Variants in MNAT1 observed in about 807,000 individuals in gnomAD.
MNAT1 encodes MNAT1 component of CDK activating kinase, also known as CDK-activating kinase assembly factor MAT1.
In MNAT1, 43 loss-of-function variants were observed where a neutral mutation model predicts 42.0. The ratio of observed to expected loss-of-function variants is 1.02; its 90% CI spans 0.80 to 1.32. MNAT1 has a LOEUF of 1.32. MNAT1 is among the 40% of genes most tolerant of loss of function. The pLI is 0.00. For synonymous variants in MNAT1, 118 were observed against 120.0 expected (o/e 0.98, Z 0.11); for missense variants, 306 against 350.4 (o/e 0.87, Z 1.01).
At chr14:60,905,502 G>C (rs1027761451) in intron 7 of MNAT1, among the ~76,000 whole-genome samples, 7 of 152,178 alleles carry the variant, frequency 4.6e-5, no homozygotes, top group Non-Finnish European at 8.8e-5. Context: ...TAGAGGCTGA[G>C]AAGTCCCATG....
At chr14:60,752,591 G>A (rs368851943) in intron 1 of MNAT1, among the ~76,000 whole-genome samples, 1 of 152,094 alleles carries the variant, frequency 6.6e-6, no homozygotes. Context: ...CTTGAGCCCA[G>A]GGGGTCAAGG....
intron 7 of MNAT1, among the ~76,000 whole-genome samples, chr14:60,906,272 G>A (rs1263018366): frequency 1.3e-5 from 2 of 152,192 alleles, no homozygotes; most frequent in African/African-American, 4.8e-5. Flanking sequence ...CCTAGTTGAT[G>A]ATACAGGTCT....
At chr14:60,946,963 CAT>C (rs2036289177) in intron 7 of MNAT1, among the ~76,000 whole-genome samples, 1 of 152,192 alleles carries the variant, frequency 6.6e-6, no homozygotes, top group African/African-American at 2.4e-5. Flanking sequence ...TCTGTGTCCT[CAT>C]GTGGCAGAGA....
chr14:60,796,167 G>A (rs1012841785), intron 1 of MNAT1, 50 bp from the exon 2 acceptor site: 7 of 1,548,812 alleles, frequency 4.5e-6, no homozygotes, highest in Admixed American at 3.6e-5. Context: ...CAGATGTGTT[G>A]TAGATTTGAA....
In MNAT1 at chr14:60,818,793, A is replaced by G. The variant is rs527306461; in HGVS notation, c.633A>G (p.Gln211=). The G allele has an allele frequency of 7.4e-6, 12 of 1,612,926 alleles. No homozygotes were observed. The highest frequency in any genetic ancestry group is 1.7e-5 in the Admixed American group (1 of 60,002). The change falls in exon 6 of 8, where the codon CAA becomes CAG. Residue 211 remains glutamine (Q), a synonymous_variant. Coordinates refer to ENST00000261245, the MANE Select transcript of MNAT1 (RefSeq NM_002431.4). Reference sequence around the variant, plus strand: ...ATAGATCTACCCAATTAGAAATGCAACTTGAGAAACCCAAACCTGTAAAAC... The same window carrying G: ...ATAGATCTACCCAATTAGAAATGCAGCTTGAGAAACCCAAACCTGTAAAAC... The part of the protein sequence containing the change: ...HKDRSTQLEM[Q]LEKPKPVKPV...
intron 1 of MNAT1, chr14:60,753,701 T>C (rs1457228741): frequency 6.6e-6 from 1 of 152,202 alleles, no homozygotes; most frequent in Non-Finnish European, 1.5e-5. Context: ...CCCCTTTTGA[T>C]GAAAGAAGTA....
In MNAT1 at chr14:60,734,918, T is replaced by A; in HGVS notation, c.56T>A (p.Leu19Ter). The change falls in exon 1 of 8, where the codon TTG becomes TAG. Residue 19 changes from leucine (L) to a stop codon, truncating the protein, a stop_gained. Transcript: ENST00000261245. LOFTEE classifies it high-confidence loss of function. This position sits in a 1 kb window ranked among gnomAD's most constrained non-coding sequence, Gnocchi z 4.3. ...ACCACCAAATATCGGAACCCCTCCT[T>A]GAAGCTGATGGTGAATGTGTGCGGA... ...CKTTKYRNPSLKLMVNVCGHT... is the reference protein window; with the variant it reads ...CKTTKYRNPS 6.2e-7 allele frequency: 1 copy of A among 1,614,040 alleles called. No individual in the cohort carries two copies. Among genetic ancestry groups the A allele is most frequent in the Non-Finnish European group, 8.5e-7 (1 of 1,179,984 alleles).
intron 6 of MNAT1, among the ~76,000 whole-genome samples, chr14:60,877,152 G>A (rs2034452332): frequency 6.6e-6 from 1 of 152,026 alleles, no homozygotes; most frequent in African/African-American, 2.4e-5. Flanking sequence ...TGGGTGTGAA[G>A]TGGTATCTCA....
intron 6 of MNAT1, among the ~76,000 whole-genome samples, chr14:60,845,728 T>G (rs2033666073): frequency 6.6e-6 from 1 of 152,160 alleles, no homozygotes; most frequent in Admixed American, 6.5e-5. Flanking sequence ...CTACTTTCTG[T>G]TTCTGTATAG....
At chr14:60,890,117 C>G (rs1034890063) in intron 7 of MNAT1, among the ~76,000 whole-genome samples, 3 of 152,090 alleles carry the variant, frequency 2.0e-5, no homozygotes, top group African/African-American at 7.2e-5. Context: ...ACCCAAAGGA[C>G]TATAAATCAT....
At chr14:60,912,776 A>G (rs1050833228) in intron 7 of MNAT1, among the ~76,000 whole-genome samples, 16 of 151,862 alleles carry the variant, frequency 1.1e-4, no homozygotes, top group African/African-American at 3.4e-4. Flanking sequence ...CTTCATTTCA[A>G]CTTTGGTGAA....
At chr14:60,869,784 AT>A (rs2034289925) in intron 6 of MNAT1, among the ~76,000 whole-genome samples, 1 of 152,076 alleles carries the variant, frequency 6.6e-6, no homozygotes, top group Non-Finnish European at 1.5e-5. Flanking sequence ...CTAATTGATT[AT>A]TTTTATTGCC....
intron 7 of MNAT1, among the ~76,000 whole-genome samples, chr14:60,958,291 C>T (rs932249147): frequency 6.6e-6 from 1 of 152,150 alleles, no homozygotes; most frequent in South Asian, 2.1e-4. Context: ...AGCTTTGCTG[C>T]ATAAAGTATT....
At chr14:60,743,797 TCTC>T (rs1244331433) in intron 1 of MNAT1, among the ~76,000 whole-genome samples, 2 of 152,236 alleles carry the variant, frequency 1.3e-5, no homozygotes. Flanking sequence ...CATATCTCTT[TCTC>T]CCTGTTCTTT....
chr14:60,840,371 A>C (rs867969591), intron 6 of MNAT1, among the ~76,000 whole-genome samples: 2 of 152,210 alleles, frequency 1.3e-5, no homozygotes, highest in South Asian at 4.1e-4. Flanking sequence ...CTCATACTAC[A>C]GTGTATTTCT....
intron 1 of MNAT1, among the ~76,000 whole-genome samples, chr14:60,774,398 T>G (rs1289935030): frequency 6.6e-6 from 1 of 151,584 alleles, no homozygotes; most frequent in Admixed American, 6.6e-5. Context: ...AGCTGAAGAG[T>G]TAGGTAGGGG....
At chr14:60,763,323 A>G (rs374490321) in intron 1 of MNAT1, among the ~76,000 whole-genome samples, 14 of 152,324 alleles carry the variant, frequency 9.2e-5, no homozygotes, top group Admixed American at 5.2e-4. Flanking sequence ...ATCATTTTAA[A>G]TGAATAATTA....
intron 1 of MNAT1, among the ~76,000 whole-genome samples, chr14:60,757,174 A>C (rs2030393488): frequency 6.6e-6 from 1 of 152,182 alleles, no homozygotes; most frequent in Admixed American, 6.5e-5. Context: ...TTTAAAACTA[A>C]CGGTGTATGG....
At chr14:60,769,318 G>A (rs796796343) in intron 1 of MNAT1, among the ~76,000 whole-genome samples, 2 of 138,492 alleles carry the variant, frequency 1.4e-5, no homozygotes, top group African/African-American at 5.0e-5. Flanking sequence ...TGTTACCCAG[G>A]GTAGAGTGCA....
Sources: allele counts gnomAD v4.1 joint callset (sites outside exome capture counted in the v4.1 genomes callset), GRCh38; gene constraint gnomAD v4.1.1; non-coding constraint Gnocchi (gnomAD v3.1); transcripts MANE v1.5; gene names NCBI Gene and HGNC (gene_info 2026-07-23, HGNC 2026-07-21).